TENM2: variants seen among roughly 807,000 people sequenced by gnomAD.
TENM2 encodes teneurin-2.
TENM2 carries 52 observed loss-of-function variants against 245.2 expected under a neutral mutation model. That is an observed-to-expected ratio of 0.21 (90% CI 0.17 to 0.27). The LOEUF (loss-of-function observed/expected upper bound fraction) is 0.27, where lower values mean the gene tolerates loss of function less well. Among genes scored for constraint, TENM2 ranks in the 10% least tolerant of loss-of-function variants. TENM2 has a pLI of 1.00. For missense variants in TENM2, 3,046 were observed against 3,666.8 expected (o/e 0.83, Z 4.37); for synonymous variants, 1,363 against 1,438.9 (o/e 0.95, Z 1.19).
the TENM2 span, among the ~76,000 whole-genome samples, chr5:167,012,511 A>G: frequency 6.6e-6 from 1 of 152,208 alleles, no homozygotes; most frequent in South Asian, 2.1e-4. Context: ...AAAGTGGTTT[A>G]TTAGTGTAGG....
At chr5:168,114,728 C>T (rs1794927659) in intron 9 of TENM2, among the ~76,000 whole-genome samples, 1 of 152,230 alleles carries the variant, frequency 6.6e-6, no homozygotes, top group African/African-American at 2.4e-5. Flanking sequence ...CATTGAGTGT[C>T]CTGCTTTCCA....
chr5:167,080,086 C>T, the TENM2 span, among the ~76,000 whole-genome samples: 1 of 152,204 alleles, frequency 6.6e-6, no homozygotes, highest in African/African-American at 2.4e-5. Flanking sequence ...TGTTGCGTAT[C>T]TTCCTGGTTA....
chr5:167,427,483 G>A lies in TENM2; in HGVS notation c.502+52010G>A, dbSNP rs1463209803. On this transcript the variant is annotated intron_variant, in intron 2 of 28. Transcript: ENST00000518659. ...AAAGAAAGGAAGGAAGGGAAGGAAGGGAAGCAAGGGGAGGAAGAGAAGGAA... is the reference window on the plus strand; with the variant it reads ...AAAGAAAGGAAGGAAGGGAAGGAAGAGAAGCAAGGGGAGGAAGAGAAGGAA... 2.7e-5 allele frequency among the ~76,000 whole-genome samples: 4 copies of A among 148,870 alleles called. No homozygotes were observed. The South Asian group carries it at 6.5e-4, about 24-fold the overall frequency.
At chr5:167,720,525 A>C (rs1464632682) in intron 2 of TENM2, among the ~76,000 whole-genome samples, 1 of 152,152 alleles carries the variant, frequency 6.6e-6, no homozygotes, top group Non-Finnish European at 1.5e-5. Flanking sequence ...ATTTGAATTT[A>C]TTGTAGATAC....
chr5:168,037,789 T>G (rs2151990839), intron 5 of TENM2, among the ~76,000 whole-genome samples: 1 of 152,264 alleles, frequency 6.6e-6, no homozygotes, highest in Non-Finnish European at 1.5e-5. Flanking sequence ...CCTGGCTCAG[T>G]CAGCCATTAG....
At chr5:167,353,513 T>TTG (rs1561886615) in intron 1 of TENM2, among the ~76,000 whole-genome samples, 1 of 123,204 alleles carries the variant, frequency 8.1e-6, no homozygotes, top group African/African-American at 3.0e-5. Flanking sequence ...TTTTTTTTTT[T>TTG]TTTTTTTTTT....
At chr5:167,409,061 G>C (rs1762776049) in intron 2 of TENM2, among the ~76,000 whole-genome samples, 1 of 151,532 alleles carries the variant, frequency 6.6e-6, no homozygotes, top group Non-Finnish European at 1.5e-5. Flanking sequence ...ATTAAAACTT[G>C]AAATATGACT....
At chr5:167,707,998 C>G in intron 2 of TENM2, among the ~76,000 whole-genome samples, 1 of 152,108 alleles carries the variant, frequency 6.6e-6, no homozygotes, top group Non-Finnish European at 1.5e-5. Context: ...TTTGTTGGGT[C>G]AATGAATAAG....
the TENM2 span, among the ~76,000 whole-genome samples, chr5:167,092,911 A>G: frequency 1.3e-5 from 2 of 152,302 alleles, no homozygotes; most frequent in South Asian, 4.2e-4. Flanking sequence ...AGATGATAGG[A>G]ATTACTAAAC....
At chr5:167,297,135 T>C (rs1754989435) in intron 1 of TENM2, among the ~76,000 whole-genome samples, 1 of 152,216 alleles carries the variant, frequency 6.6e-6, no homozygotes, top group Non-Finnish European at 1.5e-5. Context: ...ATTTCTTTGG[T>C]AACTGATGAC....
intron 2 of TENM2, among the ~76,000 whole-genome samples, chr5:167,494,485 A>G (rs540943138): frequency 1.3e-5 from 2 of 152,216 alleles, no homozygotes; most frequent in Non-Finnish European, 2.9e-5. Flanking sequence ...CTTATGCGTG[A>G]TATTATAGAA....
At chr5:167,313,222 A>G (rs914581197) in intron 1 of TENM2, among the ~76,000 whole-genome samples, 1 of 152,056 alleles carries the variant, frequency 6.6e-6, no homozygotes, top group Admixed American at 6.6e-5. Context: ...CTCTTGGCTC[A>G]ATTTTCTCTG....
intron 12 of TENM2, chr5:168,149,519 G>T (rs2152421631): frequency 4.4e-6 from 2 of 456,380 alleles, no homozygotes; most frequent in Non-Finnish European, 8.8e-6. Flanking sequence ...TAGGAAAACA[G>T]AAACACATCT....
intron 2 of TENM2, among the ~76,000 whole-genome samples, chr5:167,562,820 G>A (rs898783576): frequency 6.6e-6 from 1 of 152,090 alleles, no homozygotes; most frequent in African/African-American, 2.4e-5. Flanking sequence ...AGCCAGGCGT[G>A]TTGGCAGGCG....
intron 2 of TENM2, among the ~76,000 whole-genome samples, chr5:167,850,825 A>G (rs1434335233): frequency 2.6e-5 from 4 of 152,288 alleles, no homozygotes; most frequent in Admixed American, 6.5e-5. Context: ...TTTTTCCCCA[A>G]TTAGCTTGCA....
At position 168,098,968 on chromosome 5, in the gene TENM2, G is replaced by A. The variant is rs143292869; in HGVS notation, c.1813+841G>A. ...ACTGTCGCCCAAACTGGAATGCAGC[G>A]GCACGATCTTGGCTCACTGCAATCT... is the stretch of plus-strand genomic sequence containing the variant. On this transcript the variant is annotated intron_variant, in intron 9 of 28. Coordinates refer to ENST00000518659, the Ensembl canonical transcript of TENM2. Among the ~76,000 whole-genome samples the A allele has an allele frequency of 4.6e-3, 691 of 151,706 alleles. 1 individual carries two copies. Among genetic ancestry groups the A allele is most frequent in the Admixed American group, 7.5e-3 (115 of 15,234 alleles).
At chr5:168,118,341 G>T (rs371149219) in exon 10 of TENM2, 3 of 1,610,116 alleles carry the variant, frequency 1.9e-6, no homozygotes, top group African/African-American at 1.3e-5. Context: ...CTAAAGGGAC[G>T]TGCCAGTGCT....
Position 168,048,335 on chromosome 5 carries a change from GGA to G in TENM2, c.1309+791_1309+792del, listed in dbSNP as rs544135087. On this transcript the variant is annotated intron_variant, in intron 6 of 28. Transcript: ENST00000518659. ...CTTAATTCGGGATGGAAATCGCAAG[GGA>G]GAGATTGTATTAAAGGATTTCTCCA... 2.6e-3 allele frequency among the ~76,000 whole-genome samples: 396 copies of G among 152,198 alleles called. 4 individuals are homozygous for G. Among genetic ancestry groups the G allele is most frequent in the Non-Finnish European group, 4.2e-3 (286 of 68,012 alleles).
chr5:167,350,891 GTATACATATGGATATATATATGGGATA>G lies in TENM2; in HGVS notation c.227-24255_227-24229del, dbSNP rs1561883976. 2.4e-4 allele frequency among the ~76,000 whole-genome samples: 7 copies of G among 29,612 alleles called. 1 individual carries two copies. Among genetic ancestry groups the G allele is most frequent in the East Asian group, 8.4e-4 (1 of 1,196 alleles). The allele number at this position is 29,612 out of a possible 152,430, so 19.4% of individuals were successfully genotyped here. ...ACATATGGATATATATATATGGGAT[GTATACATATGGATATATATATGGGATA>G]TATACATATGGATATATATATGGGA... On this transcript the variant is annotated intron_variant, in intron 1 of 28. Transcript: ENST00000518659.
Sources: gnomAD v4.1 joint callset for allele counts (sites outside exome capture counted in the v4.1 genomes callset) on GRCh38, gnomAD v4.1.1 for gene constraint, MANE v1.5 for transcripts, NCBI Gene and HGNC (gene_info 2026-07-23, HGNC 2026-07-21) for gene names.